The following CPEB2 variants were observed in gnomAD, a reference collection of about 807,000 sequenced individuals.
The protein encoded by CPEB2 is cytoplasmic polyadenylation element-binding protein 2.
CPEB2 carries 56 observed loss-of-function variants against 93.6 expected under a neutral mutation model. That is an observed-to-expected ratio of 0.60 (90% CI 0.48 to 0.75). The LOEUF (loss-of-function observed/expected upper bound fraction) is 0.75, where lower values mean the gene tolerates loss of function less well. CPEB2 is among the 30% of genes least tolerant of loss of function. CPEB2 has a pLI of 0.00. For missense variants in CPEB2, 1,579 were observed against 1,395.1 expected (o/e 1.13, Z -2.10); for synonymous variants, 764 against 586.3 (o/e 1.30, Z -4.38).
intron 1 of CPEB2, chr4:15,006,571 C>T (rs994224887): frequency 1.3e-5 from 2 of 152,220 alleles, no homozygotes; most frequent in African/African-American, 4.8e-5. Flanking sequence ...ATCAAGATCT[C>T]TAGTGGAATA....
chr4:15,019,032 A>AT (rs1484363244), intron 4 of CPEB2, among the ~76,000 whole-genome samples: 4 of 149,854 alleles, frequency 2.7e-5, no homozygotes, highest in African/African-American at 9.8e-5. Context: ...TGAATTCAAA[A>AT]TTTTTAAGTT....
Position 15,007,596 on chromosome 4 carries a change from G to T in CPEB2, c.1944+10G>T, listed in dbSNP as rs768031560. 7 of 1,518,502 alleles carry T rather than the reference G, an allele frequency of 4.6e-6. No homozygotes were observed. The highest frequency in any genetic ancestry group is 2.6e-5 in the South Asian group (2 of 78,302). The allele number at this position is 1,518,502 out of a possible 1,614,324, so 94.1% of individuals were successfully genotyped here. A position where few individuals can be genotyped will look rare whatever the true frequency, so the allele number is the denominator to read the frequency against. On this transcript the variant is annotated intron_variant, in intron 2 of 11. Transcript: ENST00000538197. Reference sequence around the variant, plus strand: ...ACTCTTACCCTTACAGGTAAGAATGGTATGTAAATGACCTTATCTCTAATG... The same window carrying T: ...ACTCTTACCCTTACAGGTAAGAATGTTATGTAAATGACCTTATCTCTAATG...
chr4:15,024,539 C>T (rs569674655), intron 4 of CPEB2, among the ~76,000 whole-genome samples: 1 of 151,908 alleles, frequency 6.6e-6, no homozygotes, highest in South Asian at 2.1e-4. Flanking sequence ...GTTTTTCTTT[C>T]TGGAAGCTTT....
chr4:15,031,875 A>T (rs1726140718), intron 4 of CPEB2, among the ~76,000 whole-genome samples: 1 of 152,156 alleles, frequency 6.6e-6, no homozygotes, highest in Admixed American at 6.6e-5. Context: ...TCTCCATCTT[A>T]CATGTGGGCC....
At chr4:15,025,836 C>G (rs976389134) in intron 4 of CPEB2, among the ~76,000 whole-genome samples, 1 of 152,012 alleles carries the variant, frequency 6.6e-6, no homozygotes. Context: ...TCAGTGATTT[C>G]TGGTCTACAA....
chr4:15,038,815 C>T (rs1726895284), intron 5 of CPEB2, among the ~76,000 whole-genome samples: 1 of 152,152 alleles, frequency 6.6e-6, no homozygotes, highest in Non-Finnish European at 1.5e-5. Flanking sequence ...TCTCCAACTC[C>T]TGGACTCAGG....
chr4:15,024,105 G>A (rs534783791), intron 4 of CPEB2, among the ~76,000 whole-genome samples: 1 of 152,082 alleles, frequency 6.6e-6, no homozygotes, highest in African/African-American at 2.4e-5. Flanking sequence ...TCCATAGACT[G>A]TAAAGCTTCT....
chr4:15,047,753 C>A (rs1013076269), intron 6 of CPEB2, among the ~76,000 whole-genome samples: 2 of 151,866 alleles, frequency 1.3e-5, no homozygotes, highest in African/African-American at 4.8e-5. Context: ...GTTGTACCTC[C>A]AGTAGTACAA....
rs952415602 is a variant in CPEB2, at chr4:15,069,131, A to G, written c.*2751A>G. On this transcript the variant is annotated 3_prime_UTR_variant, in exon 12 of 12. Transcript: ENST00000538197. ...AAGTATGACTGTGGAGGAAAAAAAAATACTTTAAAAATCCACACTTTTTGT... is the reference window on the plus strand; with the variant it reads ...AAGTATGACTGTGGAGGAAAAAAAAGTACTTTAAAAATCCACACTTTTTGT... The G allele has an allele frequency of 2.6e-5, 4 of 152,338 alleles. No individual in the cohort carries two copies. Among genetic ancestry groups the G allele is most frequent in the East Asian group, 1.9e-4 (1 of 5,150 alleles). The allele number at this position is 152,338 out of a possible 1,614,324, so 9.4% of individuals were successfully genotyped here. A position where few individuals can be genotyped will look rare whatever the true frequency, so the allele number is the denominator to read the frequency against.
chr4:15,025,670 C>T (rs1332481626), intron 4 of CPEB2, among the ~76,000 whole-genome samples: 1 of 151,840 alleles, frequency 6.6e-6, no homozygotes, highest in Non-Finnish European at 1.5e-5. Flanking sequence ...TAAAAACTAA[C>T]AAGCAATCTT....
In CPEB2 at chr4:15,003,784, G is replaced by A. The variant is rs182583918; in HGVS notation, c.1111G>A (p.Ala371Thr). ...AGGAGGCGGAGGGGGAGGCGGCTCC[G>A]CGTCGCCGCCGCCGCTGCCCGGCTT... ...PPGGGGGGGS[A>T]SPPPLPGFGT... Residue 371 changes from alanine (A) to threonine (T), a missense_variant, in exon 1 of 12, where the codon GCG becomes ACG. Coordinates refer to ENST00000538197, the MANE Select transcript of CPEB2 (RefSeq NM_001177382.2). 42,400 of 1,058,180 alleles carry A rather than the reference G, an allele frequency of 0.04. 953 individuals carry two copies. Among genetic ancestry groups the A allele is most frequent in the Middle Eastern group, 0.063 (171 of 2,730 alleles). The allele number at this position is 1,058,180 out of a possible 1,614,324, so 65.5% of individuals were successfully genotyped here.
intron 5 of CPEB2, among the ~76,000 whole-genome samples, chr4:15,038,337 A>C (rs1468498532): frequency 6.6e-6 from 1 of 152,156 alleles, no homozygotes; most frequent in East Asian, 1.9e-4. Context: ...TAGGTCAATA[A>C]TTGTGACATT....
rs1293628909 is a variant in CPEB2, at chr4:15,003,721, C to G, written c.1048C>G (p.Pro350Ala). ...CCTGCAGAGCCCGGACCTTCCACAC[C>G]CGGGCGGCGGCGGCGGCGGCGGGGG... is the stretch of plus-strand genomic sequence containing the variant. Reference protein sequence around the residue: ...SSLQSPDLPHPGGGGGGGGGG... With the variant: ...SSLQSPDLPHAGGGGGGGGGG... The change falls in exon 1 of 12, where the codon CCG becomes GCG. Residue 350 changes from proline (P) to alanine (A), a missense_variant. Pro to Ala is a conservative substitution (Grantham distance 27, BLOSUM62 -1). This residue lies in a region of CPEB2 where 1,411 missense variants were observed against 1,056.0 expected (regional missense o/e 1.34). Coordinates refer to ENST00000538197, the MANE Select transcript of CPEB2 (RefSeq NM_001177382.2). The G allele has an allele frequency of 4.6e-6, 6 of 1,315,398 alleles. No homozygotes were observed. In the East Asian group the frequency reaches 9.9e-5, roughly 22 times the overall value. 81.5% of individuals were successfully genotyped at this position (1,315,398 alleles called of 1,614,324 possible).
chr4:15,024,869 C>T (rs1725265906), intron 4 of CPEB2, among the ~76,000 whole-genome samples: 1 of 151,816 alleles, frequency 6.6e-6, no homozygotes, highest in Non-Finnish European at 1.5e-5. Context: ...CCTCAGCCTC[C>T]CAAGTAGCTG....
intron 4 of CPEB2, among the ~76,000 whole-genome samples, chr4:15,021,813 T>A (rs1724846311): frequency 6.6e-6 from 1 of 152,160 alleles, no homozygotes; most frequent in African/African-American, 2.4e-5. Flanking sequence ...AGTGTCATTT[T>A]TATTACCTGA....
Position 15,003,774 on chromosome 4 carries a change from A to T in CPEB2, c.1101A>T (p.Gly367=). Residue 367 remains glycine (G), a synonymous_variant, in exon 1 of 12, where the codon GGA becomes GGT. Coordinates refer to ENST00000538197, the MANE Select transcript of CPEB2 (RefSeq NM_001177382.2). ...GGGGPPGGGG[G]GGSASPPPLP... ...GGGGGCCCCCAGGAGGCGGAGGGGGAGGCGGCTCCGCGTCGCCGCCGCCGC... is the reference window on the plus strand; with the variant it reads ...GGGGGCCCCCAGGAGGCGGAGGGGGTGGCGGCTCCGCGTCGCCGCCGCCGC... The T allele has an allele frequency of 1.2e-6, 1 of 857,838 alleles. No individual in the cohort carries two copies. The highest frequency in any genetic ancestry group is 1.5e-6 in the Non-Finnish European group (1 of 686,762). The allele number at this position is 857,838 out of a possible 1,614,324, so 53.1% of individuals were successfully genotyped here.
intron 3 of CPEB2, among the ~76,000 whole-genome samples, chr4:15,014,831 CAGT>C (rs1452335825): frequency 6.6e-6 from 1 of 152,016 alleles, no homozygotes; most frequent in Non-Finnish European, 1.5e-5. Flanking sequence ...GTTATGAACA[CAGT>C]ATAGTGGAAG....
intron 1 of CPEB2, among the ~76,000 whole-genome samples, chr4:15,005,992 T>C (rs1042472006): frequency 1.3e-5 from 2 of 152,198 alleles, no homozygotes; most frequent in African/African-American, 4.8e-5. Flanking sequence ...GATCCATATT[T>C]AACTGTAATT....
chr4:15,051,505 A>G (rs1254325909), intron 6 of CPEB2, among the ~76,000 whole-genome samples: 1 of 152,202 alleles, frequency 6.6e-6, no homozygotes, highest in African/African-American at 2.4e-5. Context: ...ATTTCCACCT[A>G]TAGATATTCT....
Sources: gnomAD v4.1 joint callset for allele counts (sites outside exome capture counted in the v4.1 genomes callset) on GRCh38, gnomAD v4.1.1 for gene constraint, gnomAD v4.1.1 regional missense constraint, MANE v1.5 for transcripts, NCBI Gene and HGNC (gene_info 2026-07-23, HGNC 2026-07-21) for gene names.